Variants in ARSG observed in about 807,000 individuals in gnomAD.
ARSG encodes ASG.
In ARSG, 37 loss-of-function variants were observed where a neutral mutation model predicts 50.5. That is an observed-to-expected ratio of 0.73 (90% CI 0.56 to 0.96). The LOEUF (loss-of-function observed/expected upper bound fraction) is 0.96, where lower values mean the gene tolerates loss of function less well. ARSG is among the 50% of genes least tolerant of loss of function. The probability of loss-of-function intolerance (pLI) is 0.00; values close to 1 mark genes in which losing one functional copy is unlikely to be tolerated. For synonymous variants in ARSG, 225 were observed against 254.6 expected (o/e 0.88, Z 1.11); for missense variants, 629 against 675.3 (o/e 0.93, Z 0.76).
chr17:68,387,450 ATTAGGCTGGATTTC>A (rs749000253), intron 9 of ARSG, among the ~76,000 whole-genome samples: 4 of 152,202 alleles, frequency 2.6e-5, no homozygotes, highest in Non-Finnish European at 5.9e-5. Context: ...TTGGTGTTAA[ATTAGGCTGGATTTC>A]AGCCAGCCAG....
At chr17:68,276,667 T>C (rs1555751071) in intron 1 of ARSG, among the ~76,000 whole-genome samples, 2 of 152,260 alleles carry the variant, frequency 1.3e-5, no homozygotes, top group South Asian at 2.1e-4. Context: ...TTGCCCAGGC[T>C]AGTCTCAAAC....
the ARSG span, among the ~76,000 whole-genome samples, chr17:68,431,217 G>C: frequency 6.6e-6 from 1 of 152,192 alleles, no homozygotes; most frequent in African/African-American, 2.4e-5. Context: ...GATGGTCCAG[G>C]CAGGAGCTAG....
At chr17:68,382,737 T>C (rs1307461513) in intron 8 of ARSG, among the ~76,000 whole-genome samples, 1 of 152,248 alleles carries the variant, frequency 6.6e-6, no homozygotes, top group African/African-American at 2.4e-5. Context: ...ATCTGCGCTG[T>C]TGGTGACACA....
chr17:68,429,017 C>T, the ARSG span: 14 of 1,040,886 alleles, frequency 1.3e-5, no homozygotes, highest in Non-Finnish European at 2.0e-5. Context: ...GCCCCCCTCA[C>T]CCTAGCTGTC....
At chr17:68,358,156 T>C (rs1285962370) in intron 6 of ARSG, among the ~76,000 whole-genome samples, 3 of 151,914 alleles carry the variant, frequency 2.0e-5, no homozygotes, top group Admixed American at 6.6e-5. Context: ...TGAGCCAAGA[T>C]TGTGTCACTG....
At chr17:68,370,558 T>G (rs1568536400) in intron 8 of ARSG, 34 bp downstream of exon 8, 2 of 1,595,066 alleles carry the variant, frequency 1.3e-6, no homozygotes, top group South Asian at 1.1e-5. Flanking sequence ...TGGATCCCAT[T>G]GCAATGCTGA....
intron 2 of ARSG, among the ~76,000 whole-genome samples, chr17:68,309,813 C>T (rs970386211): frequency 8.0e-5 from 12 of 150,224 alleles, no homozygotes; most frequent in South Asian, 4.3e-4. Context: ...GAGCTGAGAT[C>T]GCACCACTGC....
chr17:68,370,844 T>G (rs577541308), intron 8 of ARSG, among the ~76,000 whole-genome samples: 1 of 152,340 alleles, frequency 6.6e-6, no homozygotes, highest in South Asian at 2.1e-4. Context: ...ACTTTCATCC[T>G]GTTCCCTTGC....
chr17:68,442,021 C>T, the ARSG span, among the ~76,000 whole-genome samples: 2 of 152,158 alleles, frequency 1.3e-5, no homozygotes, highest in South Asian at 4.1e-4. Context: ...AATCGATTCC[C>T]TTTACAAACA....
chr17:68,429,273 G>C, the ARSG span, among the ~76,000 whole-genome samples: 1 of 152,228 alleles, frequency 6.6e-6, no homozygotes, highest in Non-Finnish European at 1.5e-5. Context: ...AACCAAGACA[G>C]AAAGGGGGTA....
At chr17:68,343,850 G>T in intron 3 of ARSG, 59 bp downstream of exon 3, 2 of 1,510,894 alleles carry the variant, frequency 1.3e-6, no homozygotes, top group Non-Finnish European at 9.0e-7. Context: ...CCTTGTGTTT[G>T]CAAATTCCCA....
At chr17:68,425,135 G>C (rs2147726281), downstream of ARSG, among the ~76,000 whole-genome samples, 1 of 152,290 alleles carries the variant, frequency 6.6e-6, no homozygotes, top group South Asian at 2.1e-4. Context: ...CAGGTTGCTG[G>C]GAAACCCAGC....
intron 2 of ARSG, among the ~76,000 whole-genome samples, chr17:68,310,743 TACG>T (rs2076819924): frequency 6.6e-6 from 1 of 152,218 alleles, no homozygotes; most frequent in African/African-American, 2.4e-5. Flanking sequence ...TTTCCTGAGA[TACG>T]CGCCCTTGGT....
chr17:68,260,581 G>A (rs1471437020), intron 1 of ARSG, among the ~76,000 whole-genome samples: 8 of 152,156 alleles, frequency 5.3e-5, no homozygotes, highest in African/African-American at 1.7e-4. Flanking sequence ...TCCACCTCCC[G>A]TGGTCAAGTG....
chr17:68,305,219 T>A (rs1226929680), intron 1 of ARSG, among the ~76,000 whole-genome samples: 1 of 152,222 alleles, frequency 6.6e-6, no homozygotes, highest in African/African-American at 2.4e-5. Context: ...TATCCTTGGC[T>A]CCATTTGCAA....
chr17:68,396,376 A>G (rs7211698), intron 10 of ARSG, among the ~76,000 whole-genome samples: 13,681 of 152,158 alleles, frequency 0.09, 1,488 homozygotes, highest in African/African-American at 0.26. Context: ...ACTTCCCAGC[A>G]TCACCTCCTC....
chr17:68,432,772 C>T, the ARSG span, among the ~76,000 whole-genome samples: 41 of 152,198 alleles, frequency 2.7e-4, no homozygotes, highest in East Asian at 6.9e-3. Context: ...GTTGGGGTAA[C>T]GTTTTCAAAG....
chr17:68,342,437 T>C lies in ARSG; in HGVS notation c.219-1167T>C, dbSNP rs545480801. 7.3e-5 allele frequency among the ~76,000 whole-genome samples: 11 copies of C among 151,134 alleles called. 1 individual carries two copies. In the South Asian group the frequency reaches 2.3e-3, roughly 32 times the overall value. ...GGTGTGATCTCGGCTCACTGCAACT[T>C]CCACCTCCTGGGTTGAAGCGATTCT... On this transcript the variant is annotated intron_variant, in intron 2 of 11. Coordinates refer to ENST00000621439, the MANE Select transcript of ARSG (RefSeq NM_001267727.2).
intron 8 of ARSG, among the ~76,000 whole-genome samples, chr17:68,384,487 A>T: frequency 6.6e-6 from 1 of 152,346 alleles, no homozygotes; most frequent in Middle Eastern, 3.4e-3. Context: ...TCTCCATAAC[A>T]TCAGAACAAC....
Sources: gnomAD v4.1 joint callset for allele counts (sites outside exome capture counted in the v4.1 genomes callset) on GRCh38, gnomAD v4.1.1 for gene constraint, MANE v1.5 for transcripts, NCBI Gene and HGNC (gene_info 2026-07-23, HGNC 2026-07-21) for gene names.